The following CRIPT variants were observed in gnomAD, a reference collection of about 807,000 sequenced individuals.
The protein encoded by CRIPT is CXXC repeat containing interactor of PDZ3 domain.
Under a neutral mutation model 16.6 loss-of-function variants are expected in CRIPT, and 20 were observed. The ratio of observed to expected loss-of-function variants is 1.20; its 90% confidence interval spans 0.85 to 1.75. The LOEUF (loss-of-function observed/expected upper bound fraction) is 1.75, where lower values mean the gene tolerates loss of function less well. Ranked by LOEUF, CRIPT falls within the 40% of genes most tolerant of loss-of-function variation. The pLI is 0.00. For missense variants in CRIPT, 133 were observed against 115.3 expected (o/e 1.15, Z -0.70); for synonymous variants, 42 against 37.0 (o/e 1.14, Z -0.49).
chr2:46,620,990 G>A (rs1052346652), intron 3 of CRIPT, among the ~76,000 whole-genome samples: 7 of 151,978 alleles, frequency 4.6e-5, no homozygotes, highest in Non-Finnish European at 7.4e-5. Flanking sequence ...CCTCCAAAAC[G>A]TAAAATGTAA....
rs200980926 is a variant in CRIPT, at chr2:46,623,842, C to T, written c.216C>T (p.Tyr72=). ...CTGTGCACCAACCAGGTTCTCATTA[C>T]TGCCAGGGCTGTGCCTACAAAAAAG... ...KSSVHQPGSH[Y]CQGCAYKKGI... Residue 72 remains tyrosine, a synonymous_variant, in exon 4 of 5, where the codon TAC becomes TAT. Coordinates refer to ENST00000238892, the MANE Select transcript of CRIPT (RefSeq NM_014171.6). The T allele has an allele frequency of 5.7e-5, 92 of 1,609,778 alleles. 1 individual carries two copies. In the African/African-American group the frequency reaches 9.1e-4, roughly 16 times the overall value.
Position 46,629,320 on chromosome 2 carries a change from T to C in CRIPT, c.*5093T>C, listed in dbSNP as rs978116308. On this transcript the variant is annotated 3_prime_UTR_variant, in exon 5 of 5. Transcript: ENST00000238892. ...CATCATACTCTTTACCCTTTAACACTACACATGCACTTCATAAGAACAAGC... is the reference window on the plus strand; with the variant it reads ...CATCATACTCTTTACCCTTTAACACCACACATGCACTTCATAAGAACAAGC... Among the ~76,000 whole-genome samples the C allele has an allele frequency of 6.6e-6, 1 of 152,226 alleles. No individual in the cohort carries two copies. Among genetic ancestry groups the C allele is most frequent in the African/African-American group, 2.4e-5 (1 of 41,464 alleles).
At chr2:46,623,541 T>C (rs1670861097) in intron 3 of CRIPT, among the ~76,000 whole-genome samples, 1 of 152,318 alleles carries the variant, frequency 6.6e-6, no homozygotes, top group African/African-American at 2.4e-5. Flanking sequence ...ATAAATACTG[T>C]ACAACTGATT....
At chr2:46,619,929 C>A (rs1424577600) in intron 3 of CRIPT, among the ~76,000 whole-genome samples, 1 of 152,070 alleles carries the variant, frequency 6.6e-6, no homozygotes, top group Non-Finnish European at 1.5e-5. Flanking sequence ...TTTATTTTAT[C>A]TCCTTCTTAA....
intron 1 of CRIPT, 26 bp downstream of exon 1, chr2:46,617,324 G>A: frequency 6.4e-7 from 1 of 1,552,960 alleles, no homozygotes; most frequent in Non-Finnish European, 8.7e-7. Context: ...GCTTCTGCGG[G>A]AGGAGGAGGC....
At chr2:46,624,096 C>T in intron 4 of CRIPT, 67 bp from the exon 5 acceptor site, 1 of 1,029,348 alleles carries the variant, frequency 9.7e-7, no homozygotes, top group Non-Finnish European at 1.4e-6. Flanking sequence ...TTTTAAGCTT[C>T]AGGATTGACT....
intron 3 of CRIPT, among the ~76,000 whole-genome samples, chr2:46,623,211 G>C (rs1001361820): frequency 6.6e-6 from 1 of 152,100 alleles, no homozygotes; most frequent in Non-Finnish European, 1.5e-5. Flanking sequence ...AGCCTTTTGA[G>C]CATAAATCGA....
rs1452352942 is a variant in CRIPT at position 46,630,055 on chromosome 2, C to A, written c.*5828C>A. On this transcript the variant is annotated 3_prime_UTR_variant, in exon 5 of 5. Coordinates refer to ENST00000238892, the MANE Select transcript of CRIPT (RefSeq NM_014171.6). ...TTCTGAGCCATTTGAATATTCCTTA[C>A]TAGATGTGGTGCCTCTTTACCCCAA... Among the ~76,000 whole-genome samples the A allele has an allele frequency of 6.6e-6, 1 of 152,094 alleles. No individual in the cohort carries two copies. The highest frequency in any genetic ancestry group is 2.4e-5 in the African/African-American group (1 of 41,398).
At position 46,617,294 on chromosome 2, in the gene CRIPT, A is replaced by G. The variant is rs1558716062; in HGVS notation, c.12A>G (p.Glu4=). 6.4e-7 allele frequency: 1 copy of G among 1,555,532 alleles called. No individual in the cohort carries two copies. Among genetic ancestry groups the G allele is most frequent in the Non-Finnish European group, 8.7e-7 (1 of 1,148,572 alleles). MVC[E]KCEKKLGTVI... ...CGTCGTGGGGAAGGATGGTGTGCGAAAAATGTGAGTTAAGGGGCCGCTTCT... is the reference window on the plus strand; with the variant it reads ...CGTCGTGGGGAAGGATGGTGTGCGAGAAATGTGAGTTAAGGGGCCGCTTCT... Residue 4 remains glutamate (E), a synonymous_variant, in exon 1 of 5, where the codon GAA becomes GAG. Transcript: ENST00000238892.
chr2:46,623,634 A>T, intron 3 of CRIPT, 130 bp from the exon 4 acceptor site: 1 of 575,088 alleles, frequency 1.7e-6, no homozygotes. Flanking sequence ...GAATAGGCTA[A>T]ACCCATCAAT....
rs1362764959 is a variant in CRIPT, at chr2:46,624,204, A to T, written c.283A>T (p.Asn95Tyr). 6.3e-7 allele frequency: 1 copy of T among 1,581,710 alleles called. No individual in the cohort carries two copies. Among genetic ancestry groups the T allele is most frequent in the South Asian group, 1.2e-5 (1 of 86,478 alleles). ...TGGAAAAAAGGTTTTGGATACCAAAAACTACAAGCAAACATCTGTCTAGAT... is the reference window on the plus strand; with the variant it reads ...TGGAAAAAAGGTTTTGGATACCAAATACTACAAGCAAACATCTGTCTAGAT... ...MCGKKVLDTK[N>Y]YKQTSV The change falls in exon 5 of 5, where the codon AAC (asparagine) becomes TAC (tyrosine). Residue 95 changes from asparagine (N) to tyrosine (Y), a missense_variant. Physicochemically the swap from Asn to Tyr is moderately radical, Grantham distance 143. Transcript: ENST00000238892.
rs781646558 is a variant in CRIPT at position 46,629,152 on chromosome 2, G to C, written c.*4925G>C. On this transcript the variant is annotated 3_prime_UTR_variant, in exon 5 of 5. Transcript: ENST00000238892. ...GAAAACACAGGAAGCTAATAGTACTGTTTTTCTCTGGAGTGGGTGTAAGGG... is the reference window on the plus strand; with the variant it reads ...GAAAACACAGGAAGCTAATAGTACTCTTTTTCTCTGGAGTGGGTGTAAGGG... Among the ~76,000 whole-genome samples the C allele has an allele frequency of 6.6e-6, 1 of 152,214 alleles. No individual in the cohort carries two copies. Among genetic ancestry groups the C allele is most frequent in the African/African-American group, 2.4e-5 (1 of 41,464 alleles).
In CRIPT at chr2:46,623,819, G is replaced by A; in HGVS notation, c.193G>A (p.Val65Met). 1.2e-6 allele frequency: 2 copies of A among 1,610,926 alleles called. No homozygotes were observed. Among genetic ancestry groups the A allele is most frequent in the Non-Finnish European group, 1.7e-6 (2 of 1,178,238 alleles). The change falls in exon 4 of 5, where the codon GTG (valine) becomes ATG (methionine). Residue 65 changes from valine to methionine, a missense_variant. Val to Met is a conservative substitution (Grantham distance 21). Transcript: ENST00000238892. ...FSTCRICKSS[V>M]HQPGSHYCQG... The stretch of plus-strand genomic sequence containing the variant: ...CACTTGTAGAATTTGTAAAAGTTCT[G>A]TGCACCAACCAGGTTCTCATTACTG...
At chr2:46,623,891 T>C in intron 4 of CRIPT, 24 bp downstream of exon 4, 1 of 1,507,456 alleles carries the variant, frequency 6.6e-7, no homozygotes, top group East Asian at 2.3e-5. Flanking sequence ...AATACCGTTT[T>C]CTATTCATAA....
Position 46,623,898 on chromosome 2 carries a change from A to G in CRIPT, c.241+31A>G, listed in dbSNP as rs756731005. 4.1e-6 allele frequency: 6 copies of G among 1,456,226 alleles called. 1 individual carries two copies. In the South Asian group the frequency reaches 6.1e-5, roughly 15 times the overall value. The allele number at this position is 1,456,226 out of a possible 1,614,324, so 90.2% of individuals were successfully genotyped here. On this transcript the variant is annotated intron_variant, in intron 4 of 4. Coordinates refer to ENST00000238892, the MANE Select transcript of CRIPT (RefSeq NM_014171.6). Reference sequence around the variant, plus strand: ...TTTCTTTTAATACCGTTTTCTATTCATAAAACCGACTTCATTTGCTGCTAA... The same window carrying G: ...TTTCTTTTAATACCGTTTTCTATTCGTAAAACCGACTTCATTTGCTGCTAA...
At chr2:46,617,414 C>T in intron 1 of CRIPT, 116 bp downstream of exon 1, 3 of 1,175,926 alleles carry the variant, frequency 2.6e-6, no homozygotes, top group Non-Finnish European at 2.4e-6. Flanking sequence ...AGATTCTATC[C>T]GCTGTCTTTC....
chr2:46,618,978 A>C, intron 2 of CRIPT, 140 bp downstream of exon 2: 2 of 537,898 alleles, frequency 3.7e-6, no homozygotes, highest in Non-Finnish European at 6.5e-6. Flanking sequence ...CTGGGTCCTC[A>C]AGTGATTTAA....
In CRIPT at chr2:46,627,354, G is replaced by GT. The variant is rs150032954; in HGVS notation, c.*3128dup. 4.6e-3 allele frequency among the ~76,000 whole-genome samples: 703 copies of GT among 151,878 alleles called. 36 individuals carry two copies. The East Asian group carries it at 0.11, about 24-fold the overall frequency. On this transcript the variant is annotated 3_prime_UTR_variant, in exon 5 of 5. Coordinates refer to ENST00000238892, the MANE Select transcript of CRIPT (RefSeq NM_014171.6). ...TGCAATTGCTTTTGAGGACTTAGCC[G>GT]TAAGTTCTTTCCCATAGCTGATGTC...
rs1035939486 is a variant in CRIPT at position 46,625,978 on chromosome 2, C to T, written c.*1751C>T. Among the ~76,000 whole-genome samples the T allele has an allele frequency of 1.2e-4, 18 of 152,016 alleles. No individual in the cohort carries two copies. Among genetic ancestry groups the T allele is most frequent in the Admixed American group, 5.2e-4 (8 of 15,246 alleles). ...AACTTTTATTTTAGATGTAGGGGTA[C>T]ATGTGCAGGTGAGTTATATGGGTAT... On this transcript the variant is annotated 3_prime_UTR_variant, in exon 5 of 5. Transcript: ENST00000238892.
Sources: allele counts gnomAD v4.1 joint callset (sites outside exome capture counted in the v4.1 genomes callset), GRCh38; gene constraint gnomAD v4.1.1; transcripts MANE v1.5; gene names NCBI Gene and HGNC (gene_info 2026-07-23, HGNC 2026-07-21).